Variants in TNR observed in about 807,000 individuals in gnomAD.
TNR encodes tenascin R, also known as tenascin-R.
A neutral mutation model predicts 150.4 loss-of-function variants in TNR; 45 were observed. The ratio of observed to expected loss-of-function variants is 0.30; its 90% CI spans 0.24 to 0.38. The LOEUF is 0.38. TNR is among the 10% of genes least tolerant of loss of function. The probability of loss-of-function intolerance (pLI) is 1.00; values close to 1 mark genes in which losing one functional copy is unlikely to be tolerated. For missense variants in TNR, 1,544 were observed against 1,759.1 expected, an observed-to-expected ratio of 0.88 and a Z score of 2.19; for synonymous variants, 687 against 678.4, an observed-to-expected ratio of 1.01 and a Z score of -0.20.
chr1:175,383,623 G>A (rs1156605365), intron 8 of TNR, among the ~76,000 whole-genome samples: 2 of 152,232 alleles, frequency 1.3e-5, no homozygotes, highest in African/African-American at 2.4e-5. Flanking sequence ...CATGCAGGAA[G>A]CAAATCTCTG....
chr1:175,637,805 C>T (rs571926429), intron 1 of TNR, among the ~76,000 whole-genome samples: 67 of 152,298 alleles, frequency 4.4e-4, no homozygotes, highest in African/African-American at 1.5e-3. Context: ...AAGCTTGTCT[C>T]AGCTGTGAGT....
chr1:175,696,594 G>A (rs1231880838), intron 1 of TNR, among the ~76,000 whole-genome samples: 1 of 152,146 alleles, frequency 6.6e-6, no homozygotes, highest in African/African-American at 2.4e-5. Flanking sequence ...CCCTAGAGGA[G>A]AAGGCCCCAA....
chr1:175,456,720 T>C (rs1247779407), intron 2 of TNR, among the ~76,000 whole-genome samples: 1 of 152,142 alleles, frequency 6.6e-6, no homozygotes, highest in African/African-American at 2.4e-5. Flanking sequence ...TTTTCTGTTA[T>C]AAACTTTCCC....
At position 175,406,261 on chromosome 1, in the gene TNR, G is replaced by A. The variant is rs1653955534; in HGVS notation, c.454C>T (p.Arg152Ter). 3 of 1,613,956 alleles carry A rather than the reference G, an allele frequency of 1.9e-6. No individual in the cohort carries two copies. Among genetic ancestry groups the A allele is most frequent in the Non-Finnish European group, 2.5e-6 (3 of 1,180,014 alleles). ...EMLEREVSVL[R>*]DQCNANCCQE... ...CAGCAGTTGGCGTTGCACTGGTCTC[G>A]CAGCACCGACACCTCCCTCTCCAGC... The change falls in exon 3 of 23, where the codon CGA (arginine) becomes TGA (stop). Residue 152 changes from arginine (R) to a stop codon, truncating the protein, a stop_gained. Transcript: ENST00000367674. LOFTEE classifies it high-confidence loss of function.
chr1:175,660,414 A>G (rs1159117252), intron 1 of TNR, among the ~76,000 whole-genome samples: 2 of 152,238 alleles, frequency 1.3e-5, no homozygotes, highest in Admixed American at 1.3e-4. Context: ...TCCAACCAGC[A>G]GAAAGAATTT....
intron 8 of TNR, 74 bp downstream of exon 8, chr1:175,385,958 T>C (rs1345446346): frequency 6.7e-7 from 1 of 1,484,812 alleles, no homozygotes; most frequent in African/African-American, 1.4e-5. Context: ...ATACTCCTCT[T>C]GCTGTGATGA....
At chr1:175,529,936 A>G (rs1248749201) in intron 1 of TNR, among the ~76,000 whole-genome samples, 1 of 152,192 alleles carries the variant, frequency 6.6e-6, no homozygotes, top group Non-Finnish European at 1.5e-5. Flanking sequence ...ATGCTATTTT[A>G]TTGTTACCTA....
intron 1 of TNR, among the ~76,000 whole-genome samples, chr1:175,598,660 T>C (rs929701468): frequency 6.6e-6 from 1 of 152,236 alleles, no homozygotes; most frequent in Non-Finnish European, 1.5e-5. Context: ...ACCAAATGAA[T>C]AGAGGTACAT....
chr1:175,542,007 C>T (rs1477688100), intron 1 of TNR, among the ~76,000 whole-genome samples: 2 of 152,106 alleles, frequency 1.3e-5, no homozygotes, highest in Non-Finnish European at 2.9e-5. Flanking sequence ...CAAAGACGCT[C>T]TACCAATGCA....
intron 1 of TNR, among the ~76,000 whole-genome samples, chr1:175,718,287 G>T (rs1667208469): frequency 6.6e-6 from 1 of 152,058 alleles, no homozygotes; most frequent in South Asian, 2.1e-4. Context: ...TCTCTGACCT[G>T]CATTCCCCAG....
At position 175,608,985 on chromosome 1, in the gene TNR, C is replaced by T. The variant is rs114322760; in HGVS notation, c.-164-80616G>A. 6.7e-3 allele frequency among the ~76,000 whole-genome samples: 1,015 copies of T among 152,300 alleles called. 5 individuals are homozygous for T. Among genetic ancestry groups the T allele is most frequent in the African/African-American group, 0.023 (958 of 41,568 alleles). On this transcript the variant is annotated intron_variant, in intron 1 of 22. Coordinates refer to ENST00000367674, the MANE Select transcript of TNR (RefSeq NM_003285.3). ...GATCCTGGGCAAATATCCCAAGAAA[C>T]TGTCCTTCCACAGGCCCATAAGAGG...
chr1:175,469,185 G>A (rs934107319), intron 2 of TNR, among the ~76,000 whole-genome samples: 2 of 152,074 alleles, frequency 1.3e-5, no homozygotes, highest in Non-Finnish European at 2.9e-5. Flanking sequence ...AGAGTGTGGG[G>A]CCATATAGGA....
intron 8 of TNR, 134 bp from the exon 9 acceptor site, chr1:175,379,871 T>C (rs562334740): frequency 9.9e-7 from 1 of 1,011,502 alleles, no homozygotes; most frequent in Admixed American, 2.4e-5. Context: ...GAATGAACAC[T>C]GTGGCTACCC....
In TNR at chr1:175,340,916, A is replaced by G. The variant is rs182425276; in HGVS notation, c.3383-3237T>C. Among the ~76,000 whole-genome samples the G allele has an allele frequency of 8.3e-4, 126 of 151,836 alleles. 1 individual carries two copies. Among genetic ancestry groups the G allele is most frequent in the African/African-American group, 2.9e-3 (121 of 41,358 alleles). On this transcript the variant is annotated intron_variant, in intron 18 of 22. Coordinates refer to ENST00000367674, the MANE Select transcript of TNR (RefSeq NM_003285.3). ...TCTCCCCCTCTTTCCCTTTCCCAGTAGGTATGTCTTGAGTGGGCTGGTTCC... is the reference window on the plus strand; with the variant it reads ...TCTCCCCCTCTTTCCCTTTCCCAGTGGGTATGTCTTGAGTGGGCTGGTTCC...
intron 1 of TNR, among the ~76,000 whole-genome samples, chr1:175,602,260 A>T (rs1212480943): frequency 6.6e-6 from 1 of 151,254 alleles, no homozygotes; most frequent in Non-Finnish European, 1.5e-5. Flanking sequence ...TCAAAAGGAC[A>T]TGCGATCTAC....
intron 18 of TNR, among the ~76,000 whole-genome samples, chr1:175,345,117 C>T (rs1157299928): frequency 4.0e-5 from 6 of 151,628 alleles, no homozygotes; most frequent in African/African-American, 7.3e-5. Flanking sequence ...AAAAAACAAA[C>T]AAAACAAAAC....
At chr1:175,719,050 T>C (rs1667231548) in intron 1 of TNR, among the ~76,000 whole-genome samples, 1 of 152,228 alleles carries the variant, frequency 6.6e-6, no homozygotes, top group Non-Finnish European at 1.5e-5. Flanking sequence ...GGCCTATCTG[T>C]GGCCTTCATT....
At chr1:175,629,503 G>T (rs1233137156) in intron 1 of TNR, among the ~76,000 whole-genome samples, 1 of 152,148 alleles carries the variant, frequency 6.6e-6, no homozygotes, top group Non-Finnish European at 1.5e-5. Flanking sequence ...TCTGTATAGA[G>T]ATGTGGGGGA....
At chr1:175,503,399 T>A (rs1251490161) in intron 2 of TNR, among the ~76,000 whole-genome samples, 4 of 152,204 alleles carry the variant, frequency 2.6e-5, no homozygotes, top group Admixed American at 2.6e-4. Flanking sequence ...TATATTATCA[T>A]ATATTATCTA....
Sources: allele counts gnomAD v4.1 joint callset (sites outside exome capture counted in the v4.1 genomes callset), GRCh38; gene constraint gnomAD v4.1.1; transcripts MANE v1.5; gene names NCBI Gene and HGNC (gene_info 2026-07-23, HGNC 2026-07-21).